Variants in ANO10 observed in about 807,000 individuals in gnomAD.
The protein encoded by ANO10 is anoctamin 10.
A neutral mutation model predicts 74.7 loss-of-function variants in ANO10; 77 were observed. That is an observed-to-expected ratio of 1.03 (90% CI 0.86 to 1.25). The LOEUF is 1.25. ANO10 is among the 50% of genes most tolerant of loss of function. The pLI is 0.00. For synonymous variants in ANO10, 279 were observed against 284.9 expected, an observed-to-expected ratio of 0.98 and a Z score of 0.21; for missense variants, 721 against 778.1, an observed-to-expected ratio of 0.93 and a Z score of 0.87.
intron 11 of ANO10, among the ~76,000 whole-genome samples, chr3:43,460,163 T>C (rs2075315604): frequency 6.6e-6 from 1 of 152,102 alleles, no homozygotes; most frequent in Non-Finnish European, 1.5e-5. Flanking sequence ...TCAAAGAGTA[T>C]AGCATGATAA....
chr3:43,463,311 G>A (rs568185457), intron 11 of ANO10, among the ~76,000 whole-genome samples: 9 of 152,332 alleles, frequency 5.9e-5, no homozygotes, highest in South Asian at 2.1e-4. Context: ...TTGCATCATC[G>A]TTACCTGGAT....
chr3:43,411,617 C>A (rs891248509), intron 12 of ANO10, among the ~76,000 whole-genome samples: 10 of 152,160 alleles, frequency 6.6e-5, no homozygotes, highest in Non-Finnish European at 1.3e-4. Context: ...AGTCCTTCCA[C>A]AGGGCTCCAT....
intron 2 of ANO10, among the ~76,000 whole-genome samples, chr3:43,605,300 CCT>C (rs1198138298): frequency 1.3e-5 from 2 of 152,120 alleles, no homozygotes; most frequent in African/African-American, 4.8e-5. Flanking sequence ...TTCTTTCTAC[CCT>C]GATGGTAACA....
At chr3:43,668,371 C>T (rs1422052626) in intron 1 of ANO10, among the ~76,000 whole-genome samples, 1 of 151,912 alleles carries the variant, frequency 6.6e-6, no homozygotes, top group Non-Finnish European at 1.5e-5. Context: ...TTCTCTCACT[C>T]TGTGGGCTGT....
At chr3:43,658,684 T>G (rs772370735) in intron 1 of ANO10, among the ~76,000 whole-genome samples, 10 of 152,076 alleles carry the variant, frequency 6.6e-5, no homozygotes, top group South Asian at 2.1e-4. Flanking sequence ...TGGCCAGGCT[T>G]GTCTTGAACT....
intron 1 of ANO10, among the ~76,000 whole-genome samples, chr3:43,663,486 A>G (rs2083951067): frequency 6.6e-6 from 1 of 152,230 alleles, no homozygotes; most frequent in Admixed American, 6.5e-5. Flanking sequence ...GGCACAAGAC[A>G]GGGATGCCCT....
intron 1 of ANO10, among the ~76,000 whole-genome samples, chr3:43,663,295 G>A (rs988246649): frequency 6.6e-6 from 1 of 151,594 alleles, no homozygotes; most frequent in Non-Finnish European, 1.5e-5. Context: ...CAAAAACCAC[G>A]ATTATCTTAA....
At chr3:43,429,644 C>T (rs909434780) in intron 12 of ANO10, among the ~76,000 whole-genome samples, 14 of 152,094 alleles carry the variant, frequency 9.2e-5, no homozygotes, top group African/African-American at 2.2e-4. Context: ...TGCCCTCTCA[C>T]GCATTTTTAA....
In ANO10 at chr3:43,532,436, T is replaced by C. The variant is rs78170001; in HGVS notation, c.1797+17284A>G. ...AGAAAGAAATAATCTGACTAGGTCA[T>C]TGGAAATCCCAATTTTCATAAAGGA... On this transcript the variant is annotated intron_variant, in intron 11 of 12. Transcript: ENST00000292246. Among the ~76,000 whole-genome samples the C allele has an allele frequency of 7.6e-3, 1,160 of 152,326 alleles. 16 individuals are homozygous for C. Among genetic ancestry groups the C allele is most frequent in the African/African-American group, 0.025 (1,048 of 41,572 alleles).
At chr3:43,667,037 G>GT (rs570863468) in intron 1 of ANO10, among the ~76,000 whole-genome samples, 93 of 83,422 alleles carry the variant, frequency 1.1e-3, no homozygotes, top group Non-Finnish European at 2.3e-3. Context: ...ACCCTTTCTT[G>GT]TTTTTTAATC....
chr3:43,567,796 T>G (rs996374822), intron 7 of ANO10, among the ~76,000 whole-genome samples: 1 of 151,128 alleles, frequency 6.6e-6, no homozygotes, highest in Non-Finnish European at 1.5e-5. Context: ...ACTAACCAGC[T>G]AACATCATAA....
intron 11 of ANO10, among the ~76,000 whole-genome samples, chr3:43,544,138 C>T (rs2079075076): frequency 6.6e-6 from 1 of 152,050 alleles, no homozygotes; most frequent in African/African-American, 2.4e-5. Flanking sequence ...ATCAAAAAAG[C>T]AAACTAAGTT....
chr3:43,415,050 C>T (rs1444511141), intron 12 of ANO10, among the ~76,000 whole-genome samples: 1 of 147,226 alleles, frequency 6.8e-6, no homozygotes, highest in Non-Finnish European at 1.5e-5. Flanking sequence ...TCTCGGCTCA[C>T]TGCAACCTCC....
intron 1 of ANO10, among the ~76,000 whole-genome samples, chr3:43,620,270 G>A (rs1261382656): frequency 6.6e-6 from 1 of 152,136 alleles, no homozygotes; most frequent in South Asian, 2.1e-4. Context: ...AATGCTAAGT[G>A]AGAAAATGTA....
chr3:43,657,406 C>T (rs150582262), intron 1 of ANO10, among the ~76,000 whole-genome samples: 1,690 of 152,296 alleles, frequency 0.011, 19 homozygotes, highest in Non-Finnish European at 0.017. Flanking sequence ...TGACTATCAC[C>T]GGGCTGGAGC....
chr3:43,574,751 T>C, intron 7 of ANO10, 58 bp downstream of exon 7: 2 of 1,281,660 alleles, frequency 1.6e-6, no homozygotes, highest in Admixed American at 1.7e-5. Flanking sequence ...TATTCCTATA[T>C]ATTATGTAGT....
intron 1 of ANO10, among the ~76,000 whole-genome samples, chr3:43,619,026 G>A (rs544808240): frequency 6.6e-6 from 1 of 152,250 alleles, no homozygotes; most frequent in East Asian, 1.9e-4. Context: ...AGATGGTCTT[G>A]ATCTCCTGAC....
chr3:43,634,513 T>C (rs530091272), intron 1 of ANO10, among the ~76,000 whole-genome samples: 1 of 152,258 alleles, frequency 6.6e-6, no homozygotes, highest in East Asian at 1.9e-4. Context: ...GGTGGTGGTA[T>C]GTGTATGTAT....
At chr3:43,547,668 C>T (rs771794830) in intron 11 of ANO10, among the ~76,000 whole-genome samples, 16 of 152,146 alleles carry the variant, frequency 1.1e-4, no homozygotes, top group East Asian at 1.9e-4. Flanking sequence ...TTAAGTGAAT[C>T]GAGTGAGGAT....
Sources: gnomAD v4.1 joint callset for allele counts (sites outside exome capture counted in the v4.1 genomes callset) on GRCh38, gnomAD v4.1.1 for gene constraint, MANE v1.5 for transcripts, NCBI Gene and HGNC (gene_info 2026-07-23, HGNC 2026-07-21) for gene names.